The following SYT6 variants were observed in gnomAD, a reference collection of about 807,000 sequenced individuals.
SYT6 encodes the protein synaptotagmin 6, also known as synaptotagmin-6.
Under a neutral mutation model 38.4 loss-of-function variants are expected in SYT6, and 24 were observed. The observed-to-expected ratio is 0.62, with a 90% CI of 0.45 to 0.88. SYT6 has a LOEUF of 0.88. Among genes scored for constraint, SYT6 ranks in the 40% least tolerant of loss-of-function variants. SYT6 has a pLI of 0.00. For missense variants in SYT6, 611 were observed against 621.0 expected, an observed-to-expected ratio of 0.98 and a Z score of 0.17; for synonymous variants, 265 against 241.9, an observed-to-expected ratio of 1.10 and a Z score of -0.89.
At chr1:114,122,506 T>TGTGTGTGTGTGCGTGC (rs60780339) in intron 3 of SYT6, among the ~76,000 whole-genome samples, 2 of 147,408 alleles carry the variant, frequency 1.4e-5, no homozygotes, top group East Asian at 2.1e-4. Context: ...TGTGTGTGTG[T>TGTGTGTGTGTGCGTGC]GCGCGCACAT....
At chr1:114,131,108 G>A (rs1557757734) in intron 3 of SYT6, among the ~76,000 whole-genome samples, 1 of 152,108 alleles carries the variant, frequency 6.6e-6, no homozygotes, top group Non-Finnish European at 1.5e-5. Context: ...CTGGGCCAGT[G>A]AGGGACCTGC....
chr1:114,148,546 C>A (rs1199985899), intron 1 of SYT6, among the ~76,000 whole-genome samples: 1 of 152,210 alleles, frequency 6.6e-6, no homozygotes, highest in African/African-American at 2.4e-5. Flanking sequence ...GAGACATAGA[C>A]AAAGCACAGC....
intron 1 of SYT6, among the ~76,000 whole-genome samples, chr1:114,150,331 C>T (rs1406306212): frequency 6.6e-6 from 1 of 152,224 alleles, no homozygotes; most frequent in Admixed American, 6.5e-5. Flanking sequence ...CTCTTAGATA[C>T]TGGACCCTGC....
At chr1:114,098,967 A>T in intron 5 of SYT6, 127 bp downstream of exon 5, 1 of 917,822 alleles carries the variant, frequency 1.1e-6, no homozygotes, top group Non-Finnish European at 1.6e-6. Context: ...TCTTGGGTAC[A>T]GATAGATTTG....
chr1:114,100,223 T>C (rs1675878407), intron 4 of SYT6, among the ~76,000 whole-genome samples: 1 of 152,176 alleles, frequency 6.6e-6, no homozygotes, highest in African/African-American at 2.4e-5. Context: ...GCTGCACAGC[T>C]CAAGAAATGG....
chr1:114,135,794 C>A (rs1303385436), intron 3 of SYT6, among the ~76,000 whole-genome samples: 1 of 152,172 alleles, frequency 6.6e-6, no homozygotes, highest in Non-Finnish European at 1.5e-5. Context: ...TTCCTGCAGC[C>A]CCTGGCCCTC....
chr1:114,138,102 G>T (rs1372663080), intron 2 of SYT6, 49 bp from the exon 3 acceptor site: 1 of 1,529,992 alleles, frequency 6.5e-7, no homozygotes, highest in East Asian at 2.3e-5. Flanking sequence ...GGGCTCAGGG[G>T]AAGGGGGATG....
intron 4 of SYT6, among the ~76,000 whole-genome samples, chr1:114,102,513 A>AT (rs1270728943): frequency 6.6e-6 from 1 of 152,168 alleles, no homozygotes; most frequent in East Asian, 1.9e-4. Flanking sequence ...CCAGCAACTG[A>AT]TTATACCCAA....
At position 114,115,641 on chromosome 1, in the gene SYT6, T is replaced by A. The variant is rs141556238; in HGVS notation, c.1072-11920A>T. On this transcript the variant is annotated intron_variant, in intron 3 of 7. Coordinates refer to ENST00000610222, the MANE Select transcript of SYT6 (RefSeq NM_001253772.2). ...CATGTTGGCCAGGCTGGTCTCAAAC[T>A]CCCGACTTCATGATCTGCCCGCCTC... Among the ~76,000 whole-genome samples, 1,436 of 152,164 alleles carry A rather than the reference T, an allele frequency of 9.4e-3. 8 individuals are homozygous for A. The highest frequency in any genetic ancestry group is 0.016 in the Non-Finnish European group (1,120 of 67,998).
chr1:114,118,357 C>G (rs140553042), intron 3 of SYT6, among the ~76,000 whole-genome samples: 1 of 152,222 alleles, frequency 6.6e-6, no homozygotes, highest in Non-Finnish European at 1.5e-5. Flanking sequence ...TTCCAGGCAC[C>G]AAGTGCAGAG....
chr1:114,132,826 C>T (rs1350557789), intron 3 of SYT6, among the ~76,000 whole-genome samples: 2 of 152,114 alleles, frequency 1.3e-5, no homozygotes, highest in East Asian at 3.9e-4. Context: ...TCATTTACTA[C>T]ATATAATAAC....
At chr1:114,114,540 T>C (rs910977453) in intron 3 of SYT6, among the ~76,000 whole-genome samples, 5 of 152,196 alleles carry the variant, frequency 3.3e-5, no homozygotes, top group African/African-American at 1.2e-4. Context: ...TGGAGCCTCA[T>C]AGGTGTTCCT....
intron 1 of SYT6, among the ~76,000 whole-genome samples, chr1:114,148,701 A>AT (rs869228786): frequency 2.9e-5 from 4 of 139,898 alleles, no homozygotes; most frequent in African/African-American, 1.1e-4. Context: ...TTATTTATTT[A>AT]TTAATACATA....
chr1:114,148,658 C>A (rs2101124279), intron 1 of SYT6, among the ~76,000 whole-genome samples: 1 of 151,572 alleles, frequency 6.6e-6, no homozygotes, highest in South Asian at 2.1e-4. Flanking sequence ...TCATAAAATA[C>A]TAATAATATC....
chr1:114,131,679 A>G (rs7548683), intron 3 of SYT6, among the ~76,000 whole-genome samples: 74,185 of 152,064 alleles, frequency 0.49, 18,379 homozygotes, highest in South Asian at 0.65. Flanking sequence ...AGCCCAGCCC[A>G]TGGCTCTGCA....
chr1:114,127,311 G>C (rs542766699), intron 3 of SYT6, among the ~76,000 whole-genome samples: 3 of 152,304 alleles, frequency 2.0e-5, no homozygotes, highest in African/African-American at 7.2e-5. Flanking sequence ...CTTGACTCCT[G>C]GATTGACCAT....
chr1:114,092,112 A>G (rs1486353001), intron 7 of SYT6, 30 bp from the exon 8 acceptor site: 7 of 1,533,142 alleles, frequency 4.6e-6, no homozygotes, highest in Non-Finnish European at 6.1e-6. Flanking sequence ...CTGTTTATTA[A>G]TTGCTAAAGG....
chr1:114,153,758 CCACACT>C lies in SYT6; in HGVS notation c.9_14del (p.Val4_Trp5del). 1.5e-6 allele frequency: 1 copy of C among 681,084 alleles called. No individual in the cohort carries two copies. Among genetic ancestry groups the C allele is most frequent in the African/African-American group, 1.9e-5 (1 of 53,946 alleles). 42.2% of individuals were successfully genotyped at this position (681,084 alleles called of 1,614,324 possible). A position where few individuals can be genotyped will look rare whatever the true frequency, so the allele number is the denominator to read the frequency against. ...CCTGGCACCGAGGCCCGCCGGCCCC[CCACACT>C]CCGCTCATGCCCTAGACACCCAGGC... On this transcript the variant is annotated inframe_deletion, in exon 1 of 8. Transcript: ENST00000610222.
At chr1:114,125,004 C>A (rs1308085740) in intron 3 of SYT6, among the ~76,000 whole-genome samples, 2 of 152,220 alleles carry the variant, frequency 1.3e-5, no homozygotes, top group African/African-American at 4.8e-5. Flanking sequence ...CTGGTGGACA[C>A]CCTGCTTAAC....
Sources: gnomAD v4.1 joint callset for allele counts (sites outside exome capture counted in the v4.1 genomes callset) on GRCh38, gnomAD v4.1.1 for gene constraint, MANE v1.5 for transcripts, NCBI Gene and HGNC (gene_info 2026-07-23, HGNC 2026-07-21) for gene names.